PHKA2: variants seen among roughly 807,000 people sequenced by gnomAD.
The protein encoded by PHKA2 is phosphorylase b kinase regulatory subunit alpha, liver isoform.
Under a neutral mutation model 102.0 loss-of-function variants are expected in PHKA2, and 31 were observed. The ratio of observed to expected loss-of-function variants is 0.30; its 90% confidence interval spans 0.23 to 0.41. The LOEUF (loss-of-function observed/expected upper bound fraction) is 0.41. PHKA2 is among the 10% of genes least tolerant of loss of function. The pLI is 1.00. For synonymous variants in PHKA2, 455 were observed against 416.2 expected (o/e 1.09, Z -1.13); for missense variants, 858 against 1,023.1 (o/e 0.84, Z 2.20).
In PHKA2 at chrX:18,896,311, CTG is replaced by C. The variant is rs748932207; in HGVS notation, c.3282+850_3282+851del. On this transcript the variant is annotated intron_variant, in intron 30 of 32. Transcript: ENST00000379942. ...CTCGGGCTGATGCAGAAGGGAGACACTGGGGGGGTACAGAGAATGCTGCCCCC... is the reference window on the plus strand; with the variant it reads ...CTCGGGCTGATGCAGAAGGGAGACACGGGGGGTACAGAGAATGCTGCCCCC... 756 of 112,072 alleles carry C rather than the reference CTG, an allele frequency of 6.7e-3. 1 individual carries two copies. The highest frequency in any genetic ancestry group is 0.015 in the South Asian group (39 of 2,655). The allele number at this position is 112,072 out of a possible 1,213,427, so 9.2% of individuals were successfully genotyped here. A position where few individuals can be genotyped will look rare whatever the true frequency, so the allele number is the denominator to read the frequency against.
At chrX:18,908,606 A>C (rs12392884) in intron 21 of PHKA2, among the ~76,000 whole-genome samples, 195 bp downstream of exon 21, 19 of 111,424 alleles carry the variant, frequency 1.7e-4, no homozygotes, top group Middle Eastern at 4.7e-3. Flanking sequence ...CAGAGAGCTC[A>C]CTCGCCCCTT....
intron 10 of PHKA2, 49 bp from the exon 11 acceptor site, chrX:18,936,199 T>C: frequency 1.2e-6 from 1 of 864,175 alleles, no homozygotes; most frequent in Non-Finnish European, 1.7e-6. Context: ...CTGGTCATGA[T>C]TGCTGTAACA....
chrX:18,905,033 G>A (rs1601707854), intron 26 of PHKA2, among the ~76,000 whole-genome samples: 1 of 111,772 alleles, frequency 8.9e-6, no homozygotes, highest in South Asian at 3.8e-4. Flanking sequence ...GCATGCTGAG[G>A]TCACAGAGGG....
At chrX:18,980,613 C>T (rs1268967006) in intron 1 of PHKA2, among the ~76,000 whole-genome samples, 1 of 111,685 alleles carries the variant, frequency 9.0e-6, no homozygotes, top group Non-Finnish European at 1.9e-5. Context: ...GACCTTTTCC[C>T]CACTATCACC....
At chrX:18,898,205 T>C (rs1358490835) in intron 29 of PHKA2, 1 of 112,926 alleles carries the variant, frequency 8.9e-6, no homozygotes, top group East Asian at 2.8e-4. Flanking sequence ...TGGGGCTGAC[T>C]TTGCTGAAGT....
chrX:18,950,421 C>T (rs2048661172), intron 4 of PHKA2, among the ~76,000 whole-genome samples: 2 of 111,014 alleles, frequency 1.8e-5, no homozygotes, highest in South Asian at 7.6e-4. Flanking sequence ...CTAGGTGGCT[C>T]CAGGAACTAG....
Position 18,908,917 on chromosome X carries a change from A to G in PHKA2, c.2244T>C (p.Phe748=), listed in dbSNP as rs143626269. The G allele has an allele frequency of 9.1e-6, 11 of 1,208,318 alleles. No individual in the cohort carries two copies. The African/African-American group carries it at 1.8e-4, about 19-fold the overall frequency. Residue 748 remains phenylalanine, a synonymous_variant, in exon 21 of 33, where the codon TTT becomes TTC. Transcript: ENST00000379942. ...CACCATGGTCATCTCTGGGCCACTG[A>G]AAGTCACTTTCAGGAACCTGTTCAT... ...PLLEKVPESD[F]QWPRDDHGDV...
intron 22 of PHKA2, 37 bp downstream of exon 22, chrX:18,907,863 G>C: frequency 2.5e-6 from 3 of 1,198,245 alleles, no homozygotes; most frequent in Non-Finnish European, 3.4e-6. Context: ...GCACGAGCTA[G>C]TGAGCACACA....
At chrX:18,900,255 G>C (rs12007255) in intron 28 of PHKA2, among the ~76,000 whole-genome samples, 8,726 of 111,030 alleles carry the variant, frequency 0.079, 849 homozygotes, top group African/African-American at 0.27. Context: ...TGATATAAAA[G>C]AAGAGCACCC....
chrX:18,960,070 G>C (rs2048845637), intron 1 of PHKA2, among the ~76,000 whole-genome samples: 1 of 111,882 alleles, frequency 8.9e-6, no homozygotes, highest in Admixed American at 9.5e-5. Flanking sequence ...TGTAGGAAAA[G>C]TGCCCTTGTT....
chrX:18,908,049 TG>T lies in PHKA2; in HGVS notation c.2367del (p.Ser790AlafsTer27), dbSNP rs761442631. The T allele has an allele frequency of 8.3e-7, 1 of 1,209,087 alleles. No homozygotes were observed. Among genetic ancestry groups the T allele is most frequent in the Non-Finnish European group, 1.1e-6 (1 of 894,242 alleles). The part of the protein sequence containing the change: ...ILYILYVIKG[P>X]SWDTNLSGQH... ...TGTCCAGAGAGATTTGTGTCCCAGC[TG>T]GGACCCCTGCCAAGAGGTAGAAAAA... is the stretch of plus-strand genomic sequence containing the variant. On this transcript the variant is annotated frameshift_variant, in exon 22 of 33. Coordinates refer to ENST00000379942, the MANE Select transcript of PHKA2 (RefSeq NM_000292.3). LOFTEE classifies it high-confidence loss of function.
intron 27 of PHKA2, among the ~76,000 whole-genome samples, chrX:18,901,021 T>TC (rs2147832284): frequency 9.1e-6 from 1 of 109,595 alleles, no homozygotes; most frequent in East Asian, 2.9e-4. Context: ...TTTTTTTTTT[T>TC]TTTTTTACCA....
At chrX:18,936,716 G>A (rs1347162711) in intron 10 of PHKA2, among the ~76,000 whole-genome samples, 1 of 112,153 alleles carries the variant, frequency 8.9e-6, no homozygotes, top group African/African-American at 3.2e-5. Flanking sequence ...GATGGAATTG[G>A]AGGTCAGTGT....
Position 18,907,904 on chromosome X carries a change from G to C in PHKA2, c.2513C>G (p.Ala838Gly). 1 of 1,211,151 alleles carries C rather than the reference G, an allele frequency of 8.3e-7. No homozygotes were observed. The highest frequency in any genetic ancestry group is 1.1e-6 in the Non-Finnish European group (1 of 895,048). The change falls in exon 22 of 33, where the codon GCT becomes GGT. Residue 838 changes from alanine (A) to glycine (G), a missense_variant. Physicochemically the swap from Ala to Gly is moderately conservative, Grantham distance 60. This residue lies in a region of PHKA2 where 671 missense variants were observed against 745.2 expected (regional missense o/e 0.90). Transcript: ENST00000379942. ...AGCCTGCACAGTCGCACTGACCTCA[G>C]CCAGGACCTCCACTTTCTTCCTGAG... ...GLLRKKVEVL[A>G]EACTDLLSHQ...
At chrX:18,960,069 A>G (rs1184447759) in intron 1 of PHKA2, among the ~76,000 whole-genome samples, 3 of 111,791 alleles carry the variant, frequency 2.7e-5, no homozygotes, top group Non-Finnish European at 3.8e-5. Context: ...ATGTAGGAAA[A>G]GTGCCCTTGT....
chrX:18,959,436 A>G (rs1046570189), intron 1 of PHKA2, among the ~76,000 whole-genome samples: 5 of 111,881 alleles, frequency 4.5e-5, no homozygotes, highest in African/African-American at 1.6e-4. Context: ...TTACTAGAAA[A>G]AAACACCAAA....
chrX:18,897,356 C>T (rs1198929499), intron 29 of PHKA2, 23 bp from the exon 30 acceptor site: 1 of 1,193,088 alleles, frequency 8.4e-7, no homozygotes, highest in South Asian at 1.8e-5. Context: ...CAGCTTGGGG[C>T]CTCAGAAGCC....
intron 30 of PHKA2, chrX:18,896,315 G>A (rs1004922331): frequency 8.9e-6 from 1 of 112,090 alleles, no homozygotes; most frequent in South Asian, 3.8e-4. Flanking sequence ...GAGACACTGG[G>A]GGGGTACAGA....
At chrX:18,901,437 G>C (rs201339926) in intron 27 of PHKA2, 48 bp downstream of exon 27, 3 of 837,062 alleles carry the variant, frequency 3.6e-6, no homozygotes, top group Non-Finnish European at 5.4e-6. Context: ...GGTAAGCCCA[G>C]GTAGGGAGAC....
Sources: allele counts gnomAD v4.1 joint callset (sites outside exome capture counted in the v4.1 genomes callset), GRCh38; gene constraint gnomAD v4.1.1; regional missense constraint gnomAD v4.1.1; transcripts MANE v1.5; gene names NCBI Gene and HGNC (gene_info 2026-07-23, HGNC 2026-07-21).